Variants in PRKCA observed in about 807,000 individuals in gnomAD.
PRKCA encodes protein kinase C alpha.
In PRKCA, 27 loss-of-function variants were observed where a neutral mutation model predicts 87.0. That is an observed-to-expected ratio of 0.31 (90% CI 0.23 to 0.43). The LOEUF (loss-of-function observed/expected upper bound fraction) is 0.43, where lower values mean the gene tolerates loss of function less well. Ranked by LOEUF, PRKCA falls within the 20% of genes least tolerant of loss-of-function variation. The probability of loss-of-function intolerance (pLI) is 1.00; values close to 1 mark genes in which losing one functional copy is unlikely to be tolerated. For synonymous variants in PRKCA, 329 were observed against 311.1 expected (o/e 1.06, Z -0.61); for missense variants, 518 against 852.3 (o/e 0.61, Z 4.88).
intron 5 of PRKCA, 86 bp downstream of exon 5, chr17:66,645,597 C>T (rs1036087424): frequency 1.3e-6 from 2 of 1,567,688 alleles, no homozygotes; most frequent in Admixed American, 3.5e-5. Flanking sequence ...GGGGGCTGGG[C>T]TGGATGCCCT....
At chr17:66,522,458 T>C (rs975859594) in intron 3 of PRKCA, among the ~76,000 whole-genome samples, 2 of 151,976 alleles carry the variant, frequency 1.3e-5, no homozygotes, top group African/African-American at 4.8e-5. Flanking sequence ...GGGACAGTAA[T>C]CGAAGTAGGA....
At chr17:66,506,554 C>T (rs971602604) in intron 3 of PRKCA, among the ~76,000 whole-genome samples, 1 of 152,054 alleles carries the variant, frequency 6.6e-6, no homozygotes, top group Non-Finnish European at 1.5e-5. Context: ...GATCACCAGT[C>T]GTATTTATCC....
At chr17:66,760,810 G>A (rs543079100) in intron 13 of PRKCA, among the ~76,000 whole-genome samples, 1 of 152,282 alleles carries the variant, frequency 6.6e-6, no homozygotes, top group East Asian at 1.9e-4. Flanking sequence ...ATATTAGCAA[G>A]TTGAATCCAA....
chr17:66,448,460 G>A (rs1914147708), intron 2 of PRKCA, among the ~76,000 whole-genome samples: 1 of 152,142 alleles, frequency 6.6e-6, no homozygotes, highest in Non-Finnish European at 1.5e-5. Context: ...CCATTAAACT[G>A]CTATGCGTAA....
chr17:66,470,996 A>T (rs1915300216), intron 2 of PRKCA, among the ~76,000 whole-genome samples: 1 of 150,646 alleles, frequency 6.6e-6, no homozygotes, highest in African/African-American at 2.5e-5. Flanking sequence ...TGTATTTGGG[A>T]ACTTTTTTTT....
chr17:66,474,638 C>T (rs1598703140), intron 2 of PRKCA, among the ~76,000 whole-genome samples: 3 of 152,154 alleles, frequency 2.0e-5, no homozygotes, highest in African/African-American at 4.8e-5. Context: ...TGAAATAAAG[C>T]GCTCTCTGTC....
chr17:66,358,891 A>G (rs953865326), intron 2 of PRKCA, among the ~76,000 whole-genome samples: 1 of 151,978 alleles, frequency 6.6e-6, no homozygotes, highest in Non-Finnish European at 1.5e-5. Context: ...GAGGAGTTGG[A>G]AATAAATTTA....
In PRKCA at chr17:66,781,294, G is replaced by A. The variant is rs549417875; in HGVS notation, c.1606-5573G>A. ...CAGCACCGGCCAATGAGATCAGAGG[G>A]GAGGTGTCCAGGGTGGGGCTGGAAG... On this transcript the variant is annotated intron_variant, in intron 14 of 16. Transcript: ENST00000413366. 4.3e-4 allele frequency among the ~76,000 whole-genome samples: 66 copies of A among 152,212 alleles called. No homozygotes were observed. The Middle Eastern group carries it at 0.024, about 55-fold the overall frequency.
chr17:66,744,440 G>A (rs1974228020), intron 13 of PRKCA, among the ~76,000 whole-genome samples: 1 of 152,140 alleles, frequency 6.6e-6, no homozygotes, highest in South Asian at 2.1e-4. Flanking sequence ...GCTTAGTGAT[G>A]GGGAATGGCA....
Position 66,507,836 on chromosome 17 carries a change from C to T in PRKCA, c.288+11553C>T, listed in dbSNP as rs73996237. Among the ~76,000 whole-genome samples the T allele has an allele frequency of 6.7e-3, 1,018 of 152,224 alleles. 12 individuals carry two copies. Among genetic ancestry groups the T allele is most frequent in the African/African-American group, 0.023 (964 of 41,526 alleles). ...GAACTTCTAAACTTCTAAGCCGAGT[C>T]CCATTCAGTTAGCTGGTACCTTCCT... On this transcript the variant is annotated intron_variant, in intron 3 of 16. Coordinates refer to ENST00000413366, the MANE Select transcript of PRKCA (RefSeq NM_002737.3).
intron 2 of PRKCA, among the ~76,000 whole-genome samples, chr17:66,328,108 G>C (rs1355464826): frequency 6.6e-6 from 1 of 152,200 alleles, no homozygotes; most frequent in Admixed American, 6.5e-5. Flanking sequence ...AGTCAGTGGT[G>C]ATTGTAGCTC....
chr17:66,558,074 G>T (rs968085728), intron 3 of PRKCA, among the ~76,000 whole-genome samples: 1 of 152,200 alleles, frequency 6.6e-6, no homozygotes, highest in African/African-American at 2.4e-5. Context: ...TATAGCTCTA[G>T]CCAATACGGG....
intron 2 of PRKCA, 53 bp from the exon 3 acceptor site, chr17:66,496,148 C>T (rs919564203): frequency 5.8e-5 from 80 of 1,388,344 alleles, no homozygotes; most frequent in Non-Finnish European, 7.5e-5. Flanking sequence ...GAAAATAAAG[C>T]TCGTATGTTA....
intron 4 of PRKCA, among the ~76,000 whole-genome samples, chr17:66,643,286 G>A (rs965063933): frequency 4.6e-5 from 7 of 152,158 alleles, no homozygotes; most frequent in Admixed American, 4.6e-4. Flanking sequence ...GAAGCATGCC[G>A]TTAGACACGG....
intron 3 of PRKCA, 71 bp from the exon 4 acceptor site, chr17:66,641,284 T>G: frequency 1.8e-5 from 20 of 1,091,298 alleles, no homozygotes; most frequent in Non-Finnish European, 2.8e-5. Context: ...TGGTGGGGCC[T>G]GAGCTTGGCT....
chr17:66,754,437 G>A (rs143574432), intron 13 of PRKCA, among the ~76,000 whole-genome samples: 213 of 152,182 alleles, frequency 1.4e-3, no homozygotes, highest in African/African-American at 4.7e-3. Context: ...CCCACTGTGC[G>A]TGTGACTCTG....
At chr17:66,662,447 G>A (rs1009906387) in intron 5 of PRKCA, among the ~76,000 whole-genome samples, 3 of 152,130 alleles carry the variant, frequency 2.0e-5, no homozygotes, top group African/African-American at 4.8e-5. Context: ...TGAGACATCC[G>A]TGGTTTGGGG....
At chr17:66,709,803 C>T (rs1349240315) in intron 8 of PRKCA, among the ~76,000 whole-genome samples, 1 of 151,834 alleles carries the variant, frequency 6.6e-6, no homozygotes, top group Admixed American at 6.6e-5. Context: ...GCTTATGTTT[C>T]GTCAGTCATC....
chr17:66,648,843 A>C (rs1048537461), intron 5 of PRKCA, among the ~76,000 whole-genome samples: 3 of 152,158 alleles, frequency 2.0e-5, no homozygotes, highest in Admixed American at 6.5e-5. Context: ...CTGTAATCCC[A>C]GCACTTTGGG....
Sources: gnomAD v4.1 joint callset for allele counts (sites outside exome capture counted in the v4.1 genomes callset) on GRCh38, gnomAD v4.1.1 for gene constraint, MANE v1.5 for transcripts, NCBI Gene and HGNC (gene_info 2026-07-23, HGNC 2026-07-21) for gene names.